The following AKT2 variants were observed in gnomAD, a reference collection of about 807,000 sequenced individuals.
AKT2 encodes the protein AKT serine/threonine kinase 2, also known as RAC-beta serine/threonine-protein kinase.
In AKT2, 16 loss-of-function variants were observed where a neutral mutation model predicts 58.6. That is an observed-to-expected ratio of 0.27 (90% confidence interval 0.18 to 0.41). The LOEUF is 0.41. Among genes scored for constraint, AKT2 ranks in the 10% least tolerant of loss-of-function variants. The pLI is 1.00. For synonymous variants in AKT2, 253 were observed against 254.0 expected, an observed-to-expected ratio of 1.00 and a Z score of 0.04; for missense variants, 438 against 661.0, an observed-to-expected ratio of 0.66 and a Z score of 3.70.
At chr19:40,278,641 G>C (rs561300504) in intron 1 of AKT2, among the ~76,000 whole-genome samples, 357 of 152,130 alleles carry the variant, frequency 2.3e-3, no homozygotes, top group African/African-American at 7.8e-3. Context: ...CCAACAACGA[G>C]CCTGTGCCCA....
At chr19:40,264,958 T>C (rs1461876641) in intron 2 of AKT2, among the ~76,000 whole-genome samples, 2 of 152,196 alleles carry the variant, frequency 1.3e-5, no homozygotes, top group Non-Finnish European at 2.9e-5. Flanking sequence ...GTGACGTGAC[T>C]TCCCCTCTCT....
In AKT2 at chr19:40,240,034, G is replaced by A. The variant is rs367714258; in HGVS notation, c.639+11C>T. On this transcript the variant is annotated intron_variant, in intron 7 of 13. Transcript: ENST00000392038. ...GGCCTCACACTGTCTGGGAAGGGGAGGGCAACTCACAGTGAGGAACGGGTG... is the reference window on the plus strand; with the variant it reads ...GGCCTCACACTGTCTGGGAAGGGGAAGGCAACTCACAGTGAGGAACGGGTG... 3.1e-6 allele frequency: 5 copies of A among 1,613,504 alleles called. No homozygotes were observed. Among genetic ancestry groups the A allele is most frequent in the Non-Finnish European group, 4.2e-6 (5 of 1,179,674 alleles).
chr19:40,231,685 G>A lies in AKT2; in HGVS notation c.*2187C>T, dbSNP rs530527981. The A allele has an allele frequency of 1.9e-4, 44 of 233,476 alleles. 1 individual carries two copies. In the South Asian group the frequency reaches 6.3e-3, roughly 34 times the overall value. 14.5% of individuals were successfully genotyped at this position (233,476 alleles called of 1,614,324 possible). A position where few individuals can be genotyped will look rare whatever the true frequency, so the allele number is the denominator to read the frequency against. ...GGGGGAGGTGTTCCATCCGGCCAGC[G>A]CCCGGCCATGCAGCCACGTGACTCA... is the stretch of plus-strand genomic sequence containing the variant. On this transcript the variant is annotated 3_prime_UTR_variant, in exon 14 of 14. Coordinates refer to ENST00000392038, the MANE Select transcript of AKT2 (RefSeq NM_001626.6).
chr19:40,241,743 T>C, intron 6 of AKT2, 195 bp downstream of exon 6: 1 of 796,116 alleles, frequency 1.3e-6, no homozygotes, highest in Non-Finnish European at 2.0e-6. Context: ...TAACATAGGG[T>C]GGAGGTGGGG....
intron 1 of AKT2, among the ~76,000 whole-genome samples, chr19:40,275,764 T>TGGGGGGG (rs1004974778): frequency 1.3e-3 from 6 of 4,742 alleles, no homozygotes; most frequent in Non-Finnish European, 1.9e-3. Flanking sequence ...TTTGGGAGGC[T>TGGGGGGG]GGGGGGGGGG....
intron 4 of AKT2, among the ~76,000 whole-genome samples, chr19:40,244,591 C>T (rs1331074827): frequency 2.6e-5 from 4 of 152,124 alleles, no homozygotes; most frequent in African/African-American, 9.7e-5. Context: ...ATTTTGAACC[C>T]CCCGTGTATT....
rs770689968 is a variant in AKT2, at chr19:40,232,531, A to G, written c.*1341T>C. On this transcript the variant is annotated 3_prime_UTR_variant, in exon 14 of 14. Coordinates refer to ENST00000392038, the MANE Select transcript of AKT2 (RefSeq NM_001626.6). ...GATGGGATAGGGAGAGCAAACCCAC[A>G]AAAGCTAAACTCCAAACACCCAGAG... is the stretch of plus-strand genomic sequence containing the variant. 24 of 229,128 alleles carry G rather than the reference A, an allele frequency of 1.0e-4. No homozygotes were observed. Among genetic ancestry groups the G allele is most frequent in the Non-Finnish European group, 2.1e-4 (24 of 115,920 alleles). 14.2% of individuals were successfully genotyped at this position (229,128 alleles called of 1,614,324 possible). A position where few individuals can be genotyped will look rare whatever the true frequency, so the allele number is the denominator to read the frequency against.
Position 40,280,248 on chromosome 19 carries a change from C to A in AKT2, c.-85+4933G>T, listed in dbSNP as rs541282665. 1.4e-4 allele frequency among the ~76,000 whole-genome samples: 22 copies of A among 152,306 alleles called. 1 individual carries two copies. In the South Asian group the frequency reaches 4.3e-3, roughly 30 times the overall value. On this transcript the variant is annotated intron_variant, in intron 1 of 13. Transcript: ENST00000392038. ...CCCTGCGTTGCTATTCAGTATTAGT[C>A]CGGCTGGTTGGGTTGGGGAGGAATG... is the stretch of plus-strand genomic sequence containing the variant.
At chr19:40,282,013 G>A (rs957668871) in intron 1 of AKT2, among the ~76,000 whole-genome samples, 24 of 152,144 alleles carry the variant, frequency 1.6e-4, no homozygotes, top group Non-Finnish European at 3.1e-4. Context: ...GGAGTGGCAC[G>A]GCTGGATTTG....
chr19:40,255,556 C>CT (rs962352772), intron 3 of AKT2, among the ~76,000 whole-genome samples: 8 of 152,174 alleles, frequency 5.3e-5, no homozygotes, highest in African/African-American at 1.7e-4. Context: ...CCAACCCAGC[C>CT]TGGGGGGTTG....
intron 2 of AKT2, among the ~76,000 whole-genome samples, chr19:40,257,969 C>T (rs192998431): frequency 2.0e-5 from 3 of 152,116 alleles, no homozygotes; most frequent in South Asian, 2.1e-4. Context: ...AAGTAGGGCC[C>T]GGCACGGTGG....
intron 2 of AKT2, among the ~76,000 whole-genome samples, chr19:40,263,462 A>G (rs1300427413): frequency 6.6e-6 from 1 of 152,198 alleles, no homozygotes; most frequent in Non-Finnish European, 1.5e-5. Context: ...CACTTTATAG[A>G]TGTGAAACCA....
At chr19:40,240,298 T>C (rs935881210) in intron 6 of AKT2, 188 bp from the exon 7 acceptor site, 1 of 780,124 alleles carries the variant, frequency 1.3e-6, no homozygotes, top group Non-Finnish European at 2.4e-6. Flanking sequence ...GGATCATCAG[T>C]GGCTCTCAAA....
chr19:40,275,874 G>A (rs1204022754), intron 1 of AKT2, among the ~76,000 whole-genome samples: 2 of 150,216 alleles, frequency 1.3e-5, no homozygotes, highest in Non-Finnish European at 3.0e-5. Flanking sequence ...TTAGCCAGGC[G>A]TGGTGGTAGG....
chr19:40,275,664 C>T (rs977083208), intron 1 of AKT2, among the ~76,000 whole-genome samples: 5 of 150,944 alleles, frequency 3.3e-5, no homozygotes, highest in Non-Finnish European at 7.4e-5. Flanking sequence ...AAAGAACTGA[C>T]TTTTTACTTT....
chr19:40,253,271 A>G (rs892830889), intron 4 of AKT2, among the ~76,000 whole-genome samples: 3 of 152,190 alleles, frequency 2.0e-5, no homozygotes, highest in Admixed American at 6.5e-5. Context: ...GCATGATTTT[A>G]GGGCTCTCTA....
chr19:40,277,648 G>T (rs991212285), intron 1 of AKT2, among the ~76,000 whole-genome samples: 1 of 152,080 alleles, frequency 6.6e-6, no homozygotes, highest in Non-Finnish European at 1.5e-5. Context: ...CCTTCCTTGC[G>T]GCCTTTACCT....
intron 1 of AKT2, among the ~76,000 whole-genome samples, chr19:40,273,297 C>T (rs1461160956): frequency 6.7e-6 from 1 of 150,166 alleles, no homozygotes; most frequent in South Asian, 2.1e-4. Flanking sequence ...GCAGAGATTG[C>T]ACCACTGCAC....
intron 4 of AKT2, among the ~76,000 whole-genome samples, chr19:40,249,722 G>A (rs969887423): frequency 6.6e-6 from 1 of 152,210 alleles, no homozygotes; most frequent in African/African-American, 2.4e-5. Context: ...AAAAGTCCTC[G>A]GAACAGGATC....
Sources: gnomAD v4.1 joint callset for allele counts (sites outside exome capture counted in the v4.1 genomes callset) on GRCh38, gnomAD v4.1.1 for gene constraint, MANE v1.5 for transcripts, NCBI Gene and HGNC (gene_info 2026-07-23, HGNC 2026-07-21) for gene names.